The following LINGO2 variants were observed in gnomAD, a reference collection of about 807,000 sequenced individuals.
LINGO2 encodes leucine rich repeat and Ig domain containing 2.
In LINGO2, 14 loss-of-function variants were observed where a neutral mutation model predicts 30.6. The ratio of observed to expected loss-of-function variants is 0.46; its 90% CI spans 0.30 to 0.72. The LOEUF is 0.72. Ranked by LOEUF, LINGO2 falls within the 30% of genes least tolerant of loss-of-function variation. The pLI, the probability that LINGO2 is intolerant of heterozygous loss-of-function variation, is 0.07. For missense variants in LINGO2, 729 were observed against 751.7 expected, an observed-to-expected ratio of 0.97 and a Z score of 0.35; for synonymous variants, 317 against 288.5, an observed-to-expected ratio of 1.10 and a Z score of -1.00.
At chr9:28,979,264 A>G in the LINGO2 span, among the ~76,000 whole-genome samples, 3 of 152,042 alleles carry the variant, frequency 2.0e-5, no homozygotes, top group Admixed American at 2.0e-4. Context: ...TAGCACCAAA[A>G]CTGTCAGGTA....
chr9:27,976,887 G>T (rs1820621482), intron 5 of LINGO2, among the ~76,000 whole-genome samples: 1 of 152,066 alleles, frequency 6.6e-6, no homozygotes, highest in Admixed American at 6.6e-5. Flanking sequence ...CAATGAACTG[G>T]ACCACTCTCG....
At chr9:29,022,376 C>T in the LINGO2 span, among the ~76,000 whole-genome samples, 1 of 152,138 alleles carries the variant, frequency 6.6e-6, no homozygotes, top group Non-Finnish European at 1.5e-5. Context: ...GAATGGTGGG[C>T]TGCTTCTGTT....
At chr9:28,410,321 T>C (rs1822711854) in intron 2 of LINGO2, among the ~76,000 whole-genome samples, 1 of 152,108 alleles carries the variant, frequency 6.6e-6, no homozygotes, top group Non-Finnish European at 1.5e-5. Flanking sequence ...TACTCAGAGT[T>C]GAACAGTTGT....
At chr9:28,659,769 C>A (rs1398668244) in intron 1 of LINGO2, among the ~76,000 whole-genome samples, 2 of 152,036 alleles carry the variant, frequency 1.3e-5, no homozygotes, top group Non-Finnish European at 2.9e-5. Context: ...TTCTGAATTG[C>A]AAAGATGATG....
At chr9:28,102,788 C>A (rs1826456633) in intron 4 of LINGO2, among the ~76,000 whole-genome samples, 1 of 152,076 alleles carries the variant, frequency 6.6e-6, no homozygotes, top group South Asian at 2.1e-4. Context: ...TTCACAATAG[C>A]TTGTACCTAC....
At chr9:28,987,808 C>G in the LINGO2 span, among the ~76,000 whole-genome samples, 1 of 152,094 alleles carries the variant, frequency 6.6e-6, no homozygotes, top group Non-Finnish European at 1.5e-5. Flanking sequence ...CATTCAGGCA[C>G]ATATTGTTTA....
chr9:28,067,970 T>C (rs1825363179), intron 4 of LINGO2, among the ~76,000 whole-genome samples: 1 of 152,108 alleles, frequency 6.6e-6, no homozygotes, highest in South Asian at 2.1e-4. Context: ...TATCCTGAAC[T>C]TAGCAGTAAA....
intron 4 of LINGO2, among the ~76,000 whole-genome samples, chr9:28,229,733 T>A (rs1254139072): frequency 1.3e-5 from 2 of 151,838 alleles, no homozygotes; most frequent in African/African-American, 4.8e-5. Flanking sequence ...GGCTTTCAGT[T>A]CTTTTATCAA....
the LINGO2 span, among the ~76,000 whole-genome samples, chr9:29,178,400 C>T: frequency 6.6e-6 from 1 of 152,090 alleles, no homozygotes; most frequent in Non-Finnish European, 1.5e-5. Context: ...TTTATTTATA[C>T]ATTCATATAT....
At chr9:28,880,172 G>A in the LINGO2 span, among the ~76,000 whole-genome samples, 15 of 152,062 alleles carry the variant, frequency 9.9e-5, no homozygotes, top group African/African-American at 1.7e-4. Flanking sequence ...GCAGTGGCAC[G>A]ATCTTTGTTC....
At chr9:28,701,929 A>T in the LINGO2 span, among the ~76,000 whole-genome samples, 1 of 151,896 alleles carries the variant, frequency 6.6e-6, no homozygotes, top group Non-Finnish European at 1.5e-5. Flanking sequence ...ATTAAAATGC[A>T]CTTCTTTAAT....
chr9:28,446,085 AT>A (rs1824415210), intron 2 of LINGO2, among the ~76,000 whole-genome samples: 1 of 152,018 alleles, frequency 6.6e-6, no homozygotes, highest in Admixed American at 6.6e-5. Flanking sequence ...ATTTGGGGAA[AT>A]TTTTTTCTTT....
chr9:28,961,211 G>A, the LINGO2 span, among the ~76,000 whole-genome samples: 2 of 152,104 alleles, frequency 1.3e-5, no homozygotes, highest in Non-Finnish European at 2.9e-5. Context: ...AGTCTGATCT[G>A]TAGCAAGAAT....
intron 4 of LINGO2, among the ~76,000 whole-genome samples, chr9:28,071,205 T>TG (rs1825465270): frequency 6.6e-6 from 1 of 152,108 alleles, no homozygotes; most frequent in Non-Finnish European, 1.5e-5. Context: ...TGCCTTGGGG[T>TG]TGAGGTGGGG....
At chr9:28,203,451 G>C (rs1820308054) in intron 4 of LINGO2, among the ~76,000 whole-genome samples, 1 of 152,120 alleles carries the variant, frequency 6.6e-6, no homozygotes, top group African/African-American at 2.4e-5. Flanking sequence ...TTTGGGCCTA[G>C]GTTCTGAAGG....
chr9:28,718,444 A>G, the LINGO2 span, among the ~76,000 whole-genome samples: 1 of 152,162 alleles, frequency 6.6e-6, no homozygotes, highest in South Asian at 2.1e-4. Flanking sequence ...AAACATTGCT[A>G]TCATACCAGA....
the LINGO2 span, among the ~76,000 whole-genome samples, chr9:29,015,420 C>A: frequency 4.6e-5 from 7 of 152,240 alleles, no homozygotes; most frequent in Admixed American, 3.3e-4. Context: ...GGGGGCCAGA[C>A]AATAAATGCT....
intron 5 of LINGO2, among the ~76,000 whole-genome samples, chr9:27,973,031 A>G (rs1820427236): frequency 6.6e-6 from 1 of 152,006 alleles, no homozygotes; most frequent in Non-Finnish European, 1.5e-5. Context: ...CTGATATGGG[A>G]GCTCCTTGTT....
At chr9:28,823,076 TGA>T in the LINGO2 span, among the ~76,000 whole-genome samples, 4 of 152,192 alleles carry the variant, frequency 2.6e-5, no homozygotes, top group African/African-American at 9.6e-5. Context: ...AAATTGGGAC[TGA>T]GAGAGGTAAA....
Sources: allele counts gnomAD v4.1 joint callset (sites outside exome capture counted in the v4.1 genomes callset), GRCh38; gene constraint gnomAD v4.1.1; transcripts MANE v1.5; gene names NCBI Gene and HGNC (gene_info 2026-07-23, HGNC 2026-07-21).